The following OSR2 variants were observed in gnomAD, a reference collection of about 807,000 sequenced individuals.
The protein encoded by OSR2 is odd-skipped related transciption factor 2, also known as protein odd-skipped-related 2.
OSR2 carries 8 observed loss-of-function variants against 22.3 expected under a neutral mutation model. The ratio of observed to expected loss-of-function variants is 0.36; its 90% CI spans 0.21 to 0.65. The LOEUF is 0.65. OSR2 is among the 30% of genes least tolerant of loss of function. The pLI is 0.66. For synonymous variants in OSR2, 179 were observed against 173.8 expected (o/e 1.03, Z -0.23); for missense variants, 311 against 413.4 (o/e 0.75, Z 2.15).
chr8:98,945,729 GAT>G (rs1840592544), intron 1 of OSR2, among the ~76,000 whole-genome samples: 1 of 152,170 alleles, frequency 6.6e-6, no homozygotes, highest in South Asian at 2.1e-4. Context: ...CTATTCACCT[GAT>G]ACAGTCTGGC....
chr8:98,949,077 G>C lies in OSR2; in HGVS notation c.125G>C (p.Gly42Ala). The change falls in exon 2 of 4, where the codon GGT becomes GCT. Residue 42 changes from glycine (G) to alanine (A), a missense_variant. Gly to Ala is a moderately conservative substitution (Grantham distance 60). Coordinates refer to ENST00000297565, the MANE Select transcript of OSR2 (RefSeq NM_001142462.3). The surrounding 1 kb of genome is among the most constrained non-coding windows in gnomAD (Gnocchi z 5.9). ...GTGGACCACCTGCAGGGCCTGTACG[G>C]TCTCAGCGCGGTACAGACCATGCAC... ...ATVDHLQGLY[G>A]LSAVQTMHMN... 1 of 1,613,934 alleles carries C rather than the reference G, an allele frequency of 6.2e-7. No individual in the cohort carries two copies.
chr8:98,951,720 C>G lies in OSR2; in HGVS notation c.*19C>G. On this transcript the variant is annotated 3_prime_UTR_variant, in exon 4 of 4. Coordinates refer to ENST00000297565, the MANE Select transcript of OSR2 (RefSeq NM_001142462.3). ...CTTCTAGAGAAGCCCAGGATCTGTC[C>G]CGTGCCGCCGCTGCTCCCCTCCCCA... 6.3e-7 allele frequency: 1 copy of G among 1,597,902 alleles called. No individual in the cohort carries two copies.
Position 98,949,692 on chromosome 8 carries a change from CA to C in OSR2, c.656+85del. On this transcript the variant is annotated intron_variant, in intron 2 of 3. Transcript: ENST00000297565. This position sits in a 1 kb window ranked among gnomAD's most constrained non-coding sequence, Gnocchi z 5.9. The stretch of plus-strand genomic sequence containing the variant: ...GAGTCCTGATAGACATTCCCAGTGT[CA>C]TTATAATCCCCTGTGATCTAAAATA... The C allele has an allele frequency of 6.9e-7, 1 of 1,457,938 alleles. No individual in the cohort carries two copies. Among genetic ancestry groups the C allele is most frequent in the Non-Finnish European group, 9.3e-7 (1 of 1,076,948 alleles). 90.3% of individuals were successfully genotyped at this position (1,457,938 alleles called of 1,614,324 possible).
intron 2 of OSR2, 75 bp from the exon 3 acceptor site, chr8:98,950,581 T>C: frequency 2.2e-6 from 2 of 901,090 alleles, no homozygotes; most frequent in Non-Finnish European, 3.4e-6. Context: ...CACGACTTCC[T>C]TTTAAGTAAT....
chr8:98,944,849 T>A (rs1346270944), intron 1 of OSR2, 26 bp downstream of exon 1: 1 of 152,218 alleles, frequency 6.6e-6, no homozygotes, highest in Non-Finnish European at 1.5e-5. Context: ...GGGAAGGGGC[T>A]GTAGCTGCCC....
Position 98,948,935 on chromosome 8 carries a change from C to T in OSR2, c.-18C>T, listed in dbSNP as rs748509378. On this transcript the variant is annotated 5_prime_UTR_variant, in exon 2 of 4. Coordinates refer to ENST00000297565, the MANE Select transcript of OSR2 (RefSeq NM_001142462.3). This position sits in a 1 kb window ranked among gnomAD's most constrained non-coding sequence, Gnocchi z 6.0. ...GAAGAAAGGGTTGGTCCCCTCAGCA[C>T]CCCCAGCATCCCGGAAAATGGGGAG... is the stretch of plus-strand genomic sequence containing the variant. 2.4e-5 allele frequency: 38 copies of T among 1,613,848 alleles called. 1 individual carries two copies. In the South Asian group the frequency reaches 2.6e-4, roughly 11 times the overall value.
rs1564125390 is a variant in OSR2 at position 98,949,793 on chromosome 8, G to A, written c.656+185G>A. On this transcript the variant is annotated intron_variant, in intron 2 of 3. Coordinates refer to ENST00000297565, the MANE Select transcript of OSR2 (RefSeq NM_001142462.3). The surrounding 1 kb of genome is among the most constrained non-coding windows in gnomAD (Gnocchi z 5.9). ...CCCTTTCTTTCCCCCAGCGGCTCTT[G>A]CTACGTTCTTGTTTGGAATGAGGGA... Among the ~76,000 whole-genome samples, 1 of 152,180 alleles carries A rather than the reference G, an allele frequency of 6.6e-6. No homozygotes were observed. The highest frequency in any genetic ancestry group is 1.5e-5 in the Non-Finnish European group (1 of 68,024).
intron 1 of OSR2, chr8:98,946,224 C>T (rs2132080700): frequency 6.6e-6 from 1 of 152,254 alleles, no homozygotes; most frequent in African/African-American, 2.4e-5. Flanking sequence ...TAAAAGTAAC[C>T]AGTGGTCTGA....
Position 98,949,638 on chromosome 8 carries a change from A to T in OSR2, c.656+30A>T. On this transcript the variant is annotated intron_variant, in intron 2 of 3. Coordinates refer to ENST00000297565, the MANE Select transcript of OSR2 (RefSeq NM_001142462.3). The surrounding 1 kb of genome is among the most constrained non-coding windows in gnomAD (Gnocchi z 5.9). Reference sequence around the variant, plus strand: ...GGCGGGCAAGGAGGATGGCTGGGAGAGGGAAAGCGAATTTGTCCTGGACAC... The same window carrying T: ...GGCGGGCAAGGAGGATGGCTGGGAGTGGGAAAGCGAATTTGTCCTGGACAC... 1 of 1,585,934 alleles carries T rather than the reference A, an allele frequency of 6.3e-7. No individual in the cohort carries two copies. Among genetic ancestry groups the T allele is most frequent in the Non-Finnish European group, 8.6e-7 (1 of 1,164,828 alleles).
intron 2 of OSR2, among the ~76,000 whole-genome samples, 197 bp from the exon 3 acceptor site, chr8:98,950,459 C>G (rs1001595161): frequency 6.6e-6 from 1 of 151,610 alleles, no homozygotes; most frequent in Non-Finnish European, 1.5e-5. Flanking sequence ...ATAAAGCCCG[C>G]GGGCTGGTGA....
chr8:98,946,994 G>A (rs113825982), intron 1 of OSR2, among the ~76,000 whole-genome samples: 5,014 of 152,106 alleles, frequency 0.033, 115 homozygotes, highest in Non-Finnish European at 0.047. Context: ...TTAATTGAAA[G>A]GGAAATAATC....
intron 1 of OSR2, among the ~76,000 whole-genome samples, chr8:98,945,629 A>G (rs998562011): frequency 6.6e-6 from 1 of 152,174 alleles, no homozygotes; most frequent in African/African-American, 2.4e-5. Flanking sequence ...GAGAAACAGA[A>G]CCTAGATTAT....
rs924989747 is a variant in OSR2, at chr8:98,949,938, C to T, written c.656+330C>T. 1.3e-5 allele frequency among the ~76,000 whole-genome samples: 2 copies of T among 152,030 alleles called. No homozygotes were observed. The highest frequency in any genetic ancestry group is 1.3e-4 in the Admixed American group (2 of 15,274). On this transcript the variant is annotated intron_variant, in intron 2 of 3. Coordinates refer to ENST00000297565, the MANE Select transcript of OSR2 (RefSeq NM_001142462.3). This position sits in a 1 kb window ranked among gnomAD's most constrained non-coding sequence, Gnocchi z 5.9. The stretch of plus-strand genomic sequence containing the variant: ...GCAGAACCCAGGTACCCTGGGGTGC[C>T]GGTCCTGGCTGCAGTCGGGCTACTT...
rs920051625 is a variant in OSR2, at chr8:98,948,924, T to C, written c.-29T>C. The C allele has an allele frequency of 6.2e-7, 1 of 1,613,520 alleles. No individual in the cohort carries two copies. Among genetic ancestry groups the C allele is most frequent in the East Asian group, 2.2e-5 (1 of 44,886 alleles). ...TCTGATTCCTGGAAGAAAGGGTTGGTCCCCTCAGCACCCCCAGCATCCCGG... is the reference window on the plus strand; with the variant it reads ...TCTGATTCCTGGAAGAAAGGGTTGGCCCCCTCAGCACCCCCAGCATCCCGG... On this transcript the variant is annotated 5_prime_UTR_variant, in exon 2 of 4. Coordinates refer to ENST00000297565, the MANE Select transcript of OSR2 (RefSeq NM_001142462.3). This position sits in a 1 kb window ranked among gnomAD's most constrained non-coding sequence, Gnocchi z 6.0.
intron 3 of OSR2, 96 bp downstream of exon 3, chr8:98,950,851 G>T (rs1474949782): frequency 7.6e-6 from 6 of 788,306 alleles, no homozygotes; most frequent in Middle Eastern, 4.4e-4. Flanking sequence ...CTCTTAAAAG[G>T]CTCTATTTAG....
In OSR2 at chr8:98,949,988, A is replaced by T. The variant is rs1001894241; in HGVS notation, c.656+380A>T. Reference sequence around the variant, plus strand: ...TCTGTTGGGTTTCGTCCCTCCCCCCACCCCCCACCCTCCACCCAGGTGCGC... The same window carrying T: ...TCTGTTGGGTTTCGTCCCTCCCCCCTCCCCCCACCCTCCACCCAGGTGCGC... On this transcript the variant is annotated intron_variant, in intron 2 of 3. Coordinates refer to ENST00000297565, the MANE Select transcript of OSR2 (RefSeq NM_001142462.3). The surrounding 1 kb of genome is among the most constrained non-coding windows in gnomAD (Gnocchi z 5.9). 2.0e-5 allele frequency among the ~76,000 whole-genome samples: 1 copy of T among 49,182 alleles called. No homozygotes were observed. The highest frequency in any genetic ancestry group is 4.4e-5 in the Non-Finnish European group (1 of 22,898). The allele number at this position is 49,182 out of a possible 152,430, so 32.3% of individuals were successfully genotyped here.
rs1027824367 is a variant in OSR2, at chr8:98,948,516, G to T, written c.-114-323G>T. 4 of 1,356,396 alleles carry T rather than the reference G, an allele frequency of 2.9e-6. No individual in the cohort carries two copies. Among genetic ancestry groups the T allele is most frequent in the Non-Finnish European group, 3.9e-6 (4 of 1,036,268 alleles). The allele number at this position is 1,356,396 out of a possible 1,614,324, so 84.0% of individuals were successfully genotyped here. On this transcript the variant is annotated intron_variant, in intron 1 of 3. Coordinates refer to ENST00000297565, the MANE Select transcript of OSR2 (RefSeq NM_001142462.3). The surrounding 1 kb of genome is among the most constrained non-coding windows in gnomAD (Gnocchi z 6.0). ...GGCTGGGCTGGGCTGGGCTGGGCTG[G>T]GTGCTGCCCGGCTGTCCGCCTTTCG...
intron 2 of OSR2, among the ~76,000 whole-genome samples, chr8:98,950,298 G>A (rs1840742683): frequency 6.6e-6 from 1 of 152,086 alleles, no homozygotes; most frequent in African/African-American, 2.4e-5. Context: ...GCTGTTAAGG[G>A]ATTCACTAAA....
At chr8:98,950,942 A>G in intron 3 of OSR2, 187 bp downstream of exon 3, 2 of 620,256 alleles carry the variant, frequency 3.2e-6, no homozygotes, top group Admixed American at 2.9e-5. Context: ...AAGCATTTTT[A>G]TATTTTTCTC....
Sources: allele counts gnomAD v4.1 joint callset (sites outside exome capture counted in the v4.1 genomes callset), GRCh38; gene constraint gnomAD v4.1.1; non-coding constraint Gnocchi (gnomAD v3.1); transcripts MANE v1.5; gene names NCBI Gene and HGNC (gene_info 2026-07-23, HGNC 2026-07-21).